The following NKAIN2 variants were observed in gnomAD, a reference collection of about 807,000 sequenced individuals.
NKAIN2 encodes sodium/potassium transporting ATPase interacting 2, also known as sodium/potassium-transporting ATPase subunit beta-1-interacting protein 2.
In NKAIN2, 14 loss-of-function variants were observed where a neutral mutation model predicts 32.6. That is an observed-to-expected ratio of 0.43 (90% CI 0.28 to 0.67). The LOEUF (loss-of-function observed/expected upper bound fraction) is 0.67. Ranked by LOEUF, NKAIN2 falls within the 30% of genes least tolerant of loss-of-function variation. The pLI, the probability that NKAIN2 is intolerant of heterozygous loss-of-function variation, is 0.17. For synonymous variants in NKAIN2, 80 were observed against 87.2 expected, an observed-to-expected ratio of 0.92 and a Z score of 0.46; for missense variants, 198 against 258.3, an observed-to-expected ratio of 0.77 and a Z score of 1.60.
chr6:123,881,066 G>A (rs1166131656), intron 1 of NKAIN2, among the ~76,000 whole-genome samples: 1 of 152,126 alleles, frequency 6.6e-6, no homozygotes, highest in African/African-American at 2.4e-5. Context: ...TTGTCACCTA[G>A]GCTGTTGGGC....
rs1348966907 is a variant in NKAIN2 at position 124,787,157 on chromosome 6, C to T, written c.475-4182C>T. On this transcript the variant is annotated intron_variant, in intron 4 of 6. Coordinates refer to ENST00000368417, the MANE Select transcript of NKAIN2 (RefSeq NM_001040214.3). ...GGAGGAAGCAGCACCTTTATTCAGC[C>T]TTAAAGAATGAATTAGTGTCCATTA... is the stretch of plus-strand genomic sequence containing the variant. Among the ~76,000 whole-genome samples, 4 of 152,106 alleles carry T rather than the reference C, an allele frequency of 2.6e-5. No homozygotes were observed. The East Asian group carries it at 7.7e-4, about 29-fold the overall frequency.
intron 4 of NKAIN2, among the ~76,000 whole-genome samples, chr6:124,767,363 A>G (rs1281591859): frequency 6.6e-6 from 1 of 152,134 alleles, no homozygotes; most frequent in Non-Finnish European, 1.5e-5. Flanking sequence ...ACAGGTAACC[A>G]TAAATTTGTA....
At chr6:124,651,456 C>G (rs1316397752) in intron 3 of NKAIN2, among the ~76,000 whole-genome samples, 3 of 152,156 alleles carry the variant, frequency 2.0e-5, no homozygotes, top group African/African-American at 7.2e-5. Flanking sequence ...TCTGCCTGGG[C>G]CCCAGGCTGC....
At chr6:123,822,534 G>A (rs1773969338) in intron 1 of NKAIN2, among the ~76,000 whole-genome samples, 1 of 152,130 alleles carries the variant, frequency 6.6e-6, no homozygotes, top group South Asian at 2.1e-4. Flanking sequence ...GGTCGGTCTA[G>A]TTGAGTATTA....
chr6:123,922,440 A>G (rs1443612638), intron 1 of NKAIN2, among the ~76,000 whole-genome samples: 2 of 152,216 alleles, frequency 1.3e-5, no homozygotes, highest in African/African-American at 4.8e-5. Flanking sequence ...ATTTATTCTT[A>G]TAGAAATCTG....
intron 1 of NKAIN2, among the ~76,000 whole-genome samples, chr6:123,939,270 A>C (rs986329415): frequency 3.3e-5 from 5 of 151,958 alleles, no homozygotes; most frequent in African/African-American, 1.2e-4. Context: ...CACTTAGCAC[A>C]CAGGGGCTCA....
rs1304941299 is a variant in NKAIN2 at position 124,336,685 on chromosome 6, T to TG, written c.193-18582_193-18581insG. Among the ~76,000 whole-genome samples the TG allele has an allele frequency of 5.0e-4, 76 of 151,304 alleles. 1 individual carries two copies. Among genetic ancestry groups the TG allele is most frequent in the Middle Eastern group, 3.4e-3 (1 of 292 alleles). On this transcript the variant is annotated intron_variant, in intron 2 of 6. Coordinates refer to ENST00000368417, the MANE Select transcript of NKAIN2 (RefSeq NM_001040214.3). ...AATAGTTTGTTTTTTTTTGTTTGTT[T>TG]TTTTTTTGAGACGGAGTCTTGCTCT...
chr6:124,724,049 TAA>T (rs980867615), intron 4 of NKAIN2, among the ~76,000 whole-genome samples: 1 of 152,194 alleles, frequency 6.6e-6, no homozygotes, highest in African/African-American at 2.4e-5. Flanking sequence ...CTCTTTGTGA[TAA>T]AGTTTCATAA....
chr6:124,749,084 C>G (rs1184731788), intron 4 of NKAIN2, among the ~76,000 whole-genome samples: 1 of 151,794 alleles, frequency 6.6e-6, no homozygotes, highest in Non-Finnish European at 1.5e-5. Context: ...TGAAAGAATT[C>G]AGTTCTTTGA....
chr6:123,940,505 C>T (rs866062947), intron 1 of NKAIN2, among the ~76,000 whole-genome samples: 2 of 151,916 alleles, frequency 1.3e-5, no homozygotes, highest in Non-Finnish European at 2.9e-5. Flanking sequence ...ATGGTACAGC[C>T]TACTACACAT....
At chr6:124,065,159 T>C (rs1783106665) in intron 1 of NKAIN2, among the ~76,000 whole-genome samples, 1 of 152,020 alleles carries the variant, frequency 6.6e-6, no homozygotes, top group Non-Finnish European at 1.5e-5. Flanking sequence ...AGTATTTCAT[T>C]TAGCTTTCTA....
intron 1 of NKAIN2, among the ~76,000 whole-genome samples, chr6:124,273,305 AG>A (rs1794884937): frequency 1.3e-5 from 2 of 151,990 alleles, no homozygotes; most frequent in African/African-American, 4.8e-5. Flanking sequence ...CATGATAGTT[AG>A]TGAGTTCTCA....
chr6:124,313,353 A>G (rs998880265), intron 2 of NKAIN2, among the ~76,000 whole-genome samples: 1 of 152,084 alleles, frequency 6.6e-6, no homozygotes, highest in South Asian at 2.1e-4. Context: ...GCTGTGTCTG[A>G]TATCTATTGC....
chr6:124,689,229 A>T (rs1163808461), intron 4 of NKAIN2, among the ~76,000 whole-genome samples: 1 of 152,086 alleles, frequency 6.6e-6, no homozygotes, highest in African/African-American at 2.4e-5. Flanking sequence ...CTGATGACAT[A>T]TGATGTTGGA....
chr6:123,922,135 C>T (rs1236372914), intron 1 of NKAIN2, among the ~76,000 whole-genome samples: 1 of 152,132 alleles, frequency 6.6e-6, no homozygotes. Flanking sequence ...AAATGTTCTT[C>T]CATTTCTCAG....
At chr6:124,356,062 T>G (rs1798955406) in intron 3 of NKAIN2, among the ~76,000 whole-genome samples, 1 of 152,188 alleles carries the variant, frequency 6.6e-6, no homozygotes, top group South Asian at 2.1e-4. Context: ...AGTTTCAAAC[T>G]TGTATGTACT....
chr6:124,360,839 G>A (rs1461505492), intron 3 of NKAIN2, among the ~76,000 whole-genome samples: 3 of 152,158 alleles, frequency 2.0e-5, no homozygotes, highest in African/African-American at 7.2e-5. Flanking sequence ...TAGATGTCCT[G>A]TTAAGGAAAC....
chr6:124,303,559 A>G (rs113701647), intron 2 of NKAIN2, among the ~76,000 whole-genome samples: 3 of 152,360 alleles, frequency 2.0e-5, no homozygotes, highest in South Asian at 2.1e-4. Flanking sequence ...GACAGTATTT[A>G]TAGTCAGTAC....
chr6:124,266,255 A>G (rs1794489097), intron 1 of NKAIN2, among the ~76,000 whole-genome samples: 2 of 152,090 alleles, frequency 1.3e-5, no homozygotes, highest in Admixed American at 1.3e-4. Context: ...GTCAAACTCT[A>G]TATATGTGAC....
Sources: allele counts gnomAD v4.1 joint callset (sites outside exome capture counted in the v4.1 genomes callset), GRCh38; gene constraint gnomAD v4.1.1; transcripts MANE v1.5; gene names NCBI Gene and HGNC (gene_info 2026-07-23, HGNC 2026-07-21).